The following DYNC2H1 variants were observed in gnomAD, a reference collection of about 807,000 sequenced individuals.
DYNC2H1 encodes cytoplasmic dynein 2 heavy chain 1.
In DYNC2H1, 410 loss-of-function variants were observed where a neutral mutation model predicts 570.0. The observed-to-expected ratio is 0.72, with a 90% CI of 0.66 to 0.78. The LOEUF (loss-of-function observed/expected upper bound fraction) is 0.78. Among genes scored for constraint, DYNC2H1 ranks in the 30% least tolerant of loss-of-function variants. The pLI, the probability that DYNC2H1 is intolerant of heterozygous loss-of-function variation, is 0.00. For missense variants in DYNC2H1, 4,865 were observed against 5,046.4 expected (o/e 0.96, Z 1.09); for synonymous variants, 1,688 against 1,677.6 (o/e 1.01, Z -0.15).
At position 103,236,415 on chromosome 11, in the gene DYNC2H1, TC is replaced by T. The variant is rs1430935342; in HGVS notation, c.9710-14del. 19 of 1,423,418 alleles carry T rather than the reference TC, an allele frequency of 1.3e-5. No individual in the cohort carries two copies. The highest frequency in any genetic ancestry group is 1.9e-5 in the Non-Finnish European group (19 of 1,007,152). 88.2% of individuals were successfully genotyped at this position (1,423,418 alleles called of 1,614,324 possible). ...AGATCGTTGTGAAGTATTATCAATA[TC>T]TTCAACTTTTCAGAATTTGATCTGA... On this transcript the variant is annotated splice_polypyrimidine_tract_variant and intron_variant, in intron 62 of 88. Coordinates refer to ENST00000375735, the MANE Select transcript of DYNC2H1 (RefSeq NM_001377.3).
intron 77 of DYNC2H1, among the ~76,000 whole-genome samples, chr11:103,307,137 A>T (rs1298617416): frequency 6.6e-6 from 1 of 152,194 alleles, no homozygotes; most frequent in Non-Finnish European, 1.5e-5. Flanking sequence ...TAGTCATAAG[A>T]GTCTGGATAA....
intron 84 of DYNC2H1, among the ~76,000 whole-genome samples, chr11:103,422,230 A>G (rs1329345433): frequency 1.3e-5 from 2 of 152,220 alleles, no homozygotes; most frequent in Non-Finnish European, 2.9e-5. Context: ...GCCCAGGACC[A>G]GATGGATTCA....
intron 84 of DYNC2H1, among the ~76,000 whole-genome samples, chr11:103,410,408 C>G (rs1486897867): frequency 1.3e-5 from 2 of 152,052 alleles, no homozygotes; most frequent in Non-Finnish European, 2.9e-5. Context: ...ATTACTTGTG[C>G]TTACTCTATA....
At chr11:103,258,057 C>G (rs1251606352) in intron 69 of DYNC2H1, among the ~76,000 whole-genome samples, 1 of 152,020 alleles carries the variant, frequency 6.6e-6, no homozygotes, top group African/African-American at 2.4e-5. Flanking sequence ...AGAATTATCC[C>G]TATAATATCA....
chr11:103,236,568 A>G, intron 63 of DYNC2H1, 29 bp downstream of exon 63: 1 of 1,249,720 alleles, frequency 8.0e-7, no homozygotes. Flanking sequence ...TTTTTTTATT[A>G]GAAATGTTTT....
At chr11:103,432,906 C>T (rs1473806561) in intron 84 of DYNC2H1, among the ~76,000 whole-genome samples, 3 of 152,176 alleles carry the variant, frequency 2.0e-5, no homozygotes, top group Admixed American at 6.6e-5. Context: ...AAATTTCCTG[C>T]GACTCTTTTT....
At chr11:103,283,524 TC>T (rs762514938) in intron 73 of DYNC2H1, among the ~76,000 whole-genome samples, 2 of 152,192 alleles carry the variant, frequency 1.3e-5, no homozygotes, top group Non-Finnish European at 2.9e-5. Context: ...AACTGTTGTA[TC>T]ATTATAACAG....
intron 85 of DYNC2H1, among the ~76,000 whole-genome samples, chr11:103,450,522 G>A (rs778843424): frequency 6.6e-5 from 10 of 151,758 alleles, no homozygotes; most frequent in South Asian, 2.1e-4. Flanking sequence ...GTTAGAAACC[G>A]GTAACAAAGA....
At chr11:103,116,036 C>T (rs934489126) in intron 4 of DYNC2H1, among the ~76,000 whole-genome samples, 16 of 152,076 alleles carry the variant, frequency 1.1e-4, no homozygotes, top group African/African-American at 3.9e-4. Flanking sequence ...CATAAAAAGT[C>T]TACTCTTTTC....
At chr11:103,227,604 A>G (rs1863849612) in intron 59 of DYNC2H1, among the ~76,000 whole-genome samples, 1 of 152,136 alleles carries the variant, frequency 6.6e-6, no homozygotes, top group African/African-American at 2.4e-5. Context: ...GGCCTGTCAT[A>G]TGGTCTATTT....
chr11:103,113,746 T>G (rs772875964), intron 2 of DYNC2H1, 39 bp downstream of exon 2: 59 of 1,436,052 alleles, frequency 4.1e-5, no homozygotes, highest in Non-Finnish European at 5.5e-5. Context: ...ACTGAGGTAT[T>G]TGGATAAATG....
Position 103,259,973 on chromosome 11 carries a change from T to C in DYNC2H1, c.10691T>C (p.Phe3564Ser). Residue 3564 changes from phenylalanine (F) to serine (S), a missense_variant, in exon 70 of 89, where the codon TTT becomes TCT. Coordinates refer to ENST00000375735, the MANE Select transcript of DYNC2H1 (RefSeq NM_001377.3). ...MVYEYICRCL[F>S]KADQLMFALH... Reference sequence around the variant, plus strand: ...TATGAATATATATGTCGTTGTCTATTTAAGGTAAGAAGCATCATATTTTTC... The same window carrying C: ...TATGAATATATATGTCGTTGTCTATCTAAGGTAAGAAGCATCATATTTTTC... 1 of 1,474,652 alleles carries C rather than the reference T, an allele frequency of 6.8e-7. No homozygotes were observed. Among genetic ancestry groups the C allele is most frequent in the Non-Finnish European group, 9.1e-7 (1 of 1,102,248 alleles). 91.3% of individuals were successfully genotyped at this position (1,474,652 alleles called of 1,614,324 possible). A position where few individuals can be genotyped will look rare whatever the true frequency, so the allele number is the denominator to read the frequency against.
chr11:103,473,509 T>C (rs1442359300), intron 88 of DYNC2H1, among the ~76,000 whole-genome samples: 1 of 152,148 alleles, frequency 6.6e-6, no homozygotes, highest in Admixed American at 6.5e-5. Flanking sequence ...ATCATAATAA[T>C]TCTCTATGAA....
intron 83 of DYNC2H1, among the ~76,000 whole-genome samples, chr11:103,367,486 A>C (rs1392690252): frequency 6.6e-6 from 1 of 152,054 alleles, no homozygotes; most frequent in Non-Finnish European, 1.5e-5. Flanking sequence ...GTAATTGTAC[A>C]TATTTTGGGG....
intron 83 of DYNC2H1, among the ~76,000 whole-genome samples, chr11:103,378,070 T>A (rs1405903491): frequency 2.0e-5 from 3 of 152,346 alleles, no homozygotes; most frequent in African/African-American, 7.2e-5. Context: ...TCCAAAGATG[T>A]GCACATGCAG....
chr11:103,165,661 T>C (rs1861274983), intron 30 of DYNC2H1, among the ~76,000 whole-genome samples: 2 of 152,026 alleles, frequency 1.3e-5, no homozygotes, highest in Admixed American at 1.3e-4. Flanking sequence ...ACCAGAAAAA[T>C]AGGTTTGTAG....
Position 103,188,510 on chromosome 11 carries a change from A to T in DYNC2H1, c.7154A>T (p.Gln2385Leu). ...VAFLQQVLTY[Q>L]GFYDENLEWV... ...ATTTTCAAATAGGTATTGACGTATC[A>T]AGGATTTTATGATGAAAATTTGGAA... The change falls in exon 44 of 89, where the codon CAA becomes CTA. Residue 2385 changes from glutamine to leucine, a missense_variant. Gln to Leu is a moderately radical substitution (Grantham distance 113). Around this residue, in one of 5 missense-constraint regions of DYNC2H1, gnomAD observed 2,401 missense variants for 2,454.6 expected, o/e 0.98. Coordinates refer to ENST00000375735, the MANE Select transcript of DYNC2H1 (RefSeq NM_001377.3). The T allele has an allele frequency of 1.2e-6, 2 of 1,603,842 alleles. No homozygotes were observed. Among genetic ancestry groups the T allele is most frequent in the Non-Finnish European group, 1.7e-6 (2 of 1,173,076 alleles).
rs185329087 is a variant in DYNC2H1 at position 103,424,129 on chromosome 11, G to A, written c.12367-11814G>A. On this transcript the variant is annotated intron_variant, in intron 84 of 88. Transcript: ENST00000375735. ...GGGAGAATGACTGCATGGATCCAGA[G>A]TATTTTGGGGGATTGATAAAAATAT... Among the ~76,000 whole-genome samples, 430 of 152,170 alleles carry A rather than the reference G, an allele frequency of 2.8e-3. 2 individuals carry two copies. The highest frequency in any genetic ancestry group is 9.9e-3 in the African/African-American group (411 of 41,544).
intron 52 of DYNC2H1, among the ~76,000 whole-genome samples, chr11:103,207,059 T>C (rs992238495): frequency 1.1e-4 from 16 of 151,900 alleles, no homozygotes; most frequent in African/African-American, 3.9e-4. Flanking sequence ...GTAGCTGAGA[T>C]TACAGGTGCC....
Sources: gnomAD v4.1 joint callset for allele counts (sites outside exome capture counted in the v4.1 genomes callset) on GRCh38, gnomAD v4.1.1 for gene constraint, gnomAD v4.1.1 regional missense constraint, MANE v1.5 for transcripts, NCBI Gene and HGNC (gene_info 2026-07-23, HGNC 2026-07-21) for gene names.